ZC3H7B: variants seen among roughly 807,000 people sequenced by gnomAD.
ZC3H7B encodes zinc finger CCCH domain-containing protein 7B.
Under a neutral mutation model 116.0 loss-of-function variants are expected in ZC3H7B, and 35 were observed. That is an observed-to-expected ratio of 0.30 (90% CI 0.23 to 0.40). The LOEUF is 0.40. Ranked by LOEUF, ZC3H7B falls within the 10% of genes least tolerant of loss-of-function variation. The probability of loss-of-function intolerance (pLI) is 1.00; values close to 1 mark genes in which losing one functional copy is unlikely to be tolerated. For synonymous variants in ZC3H7B, 502 were observed against 545.6 expected, an observed-to-expected ratio of 0.92 and a Z score of 1.11; for missense variants, 1,011 against 1,321.5, an observed-to-expected ratio of 0.77 and a Z score of 3.64.
intron 1 of ZC3H7B, among the ~76,000 whole-genome samples, chr22:41,320,080 C>T (rs1214270238): frequency 6.8e-6 from 1 of 148,006 alleles, no homozygotes; most frequent in Non-Finnish European, 1.5e-5. Context: ...TGCCTGTCAT[C>T]CCCGCACCTT....
chr22:41,338,491 T>C lies in ZC3H7B; in HGVS notation c.625+136T>C. On this transcript the variant is annotated intron_variant, in intron 8 of 22. Coordinates refer to ENST00000352645, the MANE Select transcript of ZC3H7B (RefSeq NM_017590.6). The surrounding 1 kb of genome is among the most constrained non-coding windows in gnomAD (Gnocchi z 4.5). ...CCCCACCCTGGTACTCCCTGAGGCA[T>C]GGGAGAAAACAGTGGGTTGAGAGCT... The C allele has an allele frequency of 1.1e-6, 1 of 907,688 alleles. No homozygotes were observed. Among genetic ancestry groups the C allele is most frequent in the Middle Eastern group, 2.2e-4 (1 of 4,534 alleles). 56.2% of individuals were successfully genotyped at this position (907,688 alleles called of 1,614,324 possible).
chr22:41,331,774 G>A (rs2036387356), intron 6 of ZC3H7B, among the ~76,000 whole-genome samples: 1 of 152,112 alleles, frequency 6.6e-6, no homozygotes, highest in South Asian at 2.1e-4. Flanking sequence ...GGGAGGCTGA[G>A]GTGGGAGGAT....
rs1601798376 is a variant in ZC3H7B, at chr22:41,355,401, G to A, written c.2035-68G>A. 23 of 1,589,640 alleles carry A rather than the reference G, an allele frequency of 1.4e-5. No individual in the cohort carries two copies. The East Asian group carries it at 5.2e-4, about 36-fold the overall frequency. On this transcript the variant is annotated intron_variant, in intron 17 of 22. Coordinates refer to ENST00000352645, the MANE Select transcript of ZC3H7B (RefSeq NM_017590.6). ...CAAGGCTCTCCCAGAGGACACCTGT[G>A]TGGAGACTCCAGGGCCTCAGGCCTG...
At chr22:41,340,983 G>T (rs2036515880) in intron 10 of ZC3H7B, 105 bp from the exon 11 acceptor site, 2 of 1,105,666 alleles carry the variant, frequency 1.8e-6, no homozygotes, top group Non-Finnish European at 1.3e-6. Flanking sequence ...AGGATGTGTG[G>T]CCTGGGGGCT....
chr22:41,330,697 G>A (rs1270873693), intron 6 of ZC3H7B, among the ~76,000 whole-genome samples: 1 of 151,758 alleles, frequency 6.6e-6, no homozygotes, highest in Non-Finnish European at 1.5e-5. Flanking sequence ...ATCCCAGCAC[G>A]TTGGGAGGCC....
rs142144653 is a variant in ZC3H7B, at chr22:41,322,753, A to G, written c.53+2040A>G. Among the ~76,000 whole-genome samples, 261 of 152,108 alleles carry G rather than the reference A, an allele frequency of 1.7e-3. 6 individuals carry two copies. The East Asian group carries it at 0.045, about 27-fold the overall frequency. On this transcript the variant is annotated intron_variant, in intron 2 of 22. Transcript: ENST00000352645. Reference sequence around the variant, plus strand: ...GGAATTCGCCTCTATGTTCCCTTATATACTCCCCACTTTTGTTCTCTCACA... The same window carrying G: ...GGAATTCGCCTCTATGTTCCCTTATGTACTCCCCACTTTTGTTCTCTCACA...
intron 17 of ZC3H7B, among the ~76,000 whole-genome samples, chr22:41,354,642 G>T (rs533770609): frequency 6.6e-6 from 1 of 152,178 alleles, no homozygotes; most frequent in African/African-American, 2.4e-5. Context: ...GACAGCTGGT[G>T]CATTCACAGA....
intron 1 of ZC3H7B, among the ~76,000 whole-genome samples, chr22:41,304,496 G>T (rs1030109906): frequency 3.1e-4 from 47 of 152,166 alleles, no homozygotes; most frequent in Non-Finnish European, 1.8e-4. Context: ...GTTTGCAATT[G>T]ACTTTGTCAT....
chr22:41,348,857 G>A (rs1381629717), intron 15 of ZC3H7B, among the ~76,000 whole-genome samples: 1 of 152,214 alleles, frequency 6.6e-6, no homozygotes, highest in Admixed American at 6.5e-5. Flanking sequence ...GAAACCTGAG[G>A]GCGGTGCCCT....
In ZC3H7B at chr22:41,351,689, T is replaced by C. The variant is rs2036656063; in HGVS notation, c.2034+43T>C. On this transcript the variant is annotated intron_variant, in intron 17 of 22. Transcript: ENST00000352645. This position sits in a 1 kb window ranked among gnomAD's most constrained non-coding sequence, Gnocchi z 5.1. ...TATGCCATTATTCAGATTTTGTGAATTGTCCCCAAATTACAAACAGGAAGG... is the reference window on the plus strand; with the variant it reads ...TATGCCATTATTCAGATTTTGTGAACTGTCCCCAAATTACAAACAGGAAGG... The C allele has an allele frequency of 1.3e-6, 2 of 1,585,256 alleles. No individual in the cohort carries two copies. Among genetic ancestry groups the C allele is most frequent in the Admixed American group, 1.8e-5 (1 of 56,344 alleles).
At position 41,351,849 on chromosome 22, in the gene ZC3H7B, G is replaced by A. The variant is rs1185038836; in HGVS notation, c.2034+203G>A. The stretch of plus-strand genomic sequence containing the variant: ...TTATTTTATTTTATTTTGAGACAGG[G>A]TCTTGCTCTGTCACCCAGCCTGGAG... On this transcript the variant is annotated intron_variant, in intron 17 of 22. Coordinates refer to ENST00000352645, the MANE Select transcript of ZC3H7B (RefSeq NM_017590.6). The surrounding 1 kb of genome is among the most constrained non-coding windows in gnomAD (Gnocchi z 5.1). Among the ~76,000 whole-genome samples, 3 of 151,970 alleles carry A rather than the reference G, an allele frequency of 2.0e-5. No homozygotes were observed. The highest frequency in any genetic ancestry group is 4.4e-5 in the Non-Finnish European group (3 of 67,998).
chr22:41,329,258 CT>C (rs368796113), intron 5 of ZC3H7B, among the ~76,000 whole-genome samples: 36,087 of 114,554 alleles, frequency 0.32, 5,533 homozygotes, highest in African/African-American at 0.47. Flanking sequence ...CAAAACTAAG[CT>C]TTTTTTTTTT....
Position 41,346,262 on chromosome 22 carries a change from G to A in ZC3H7B, c.1665+54G>A. On this transcript the variant is annotated intron_variant, in intron 14 of 22. Transcript: ENST00000352645. The surrounding 1 kb of genome is among the most constrained non-coding windows in gnomAD (Gnocchi z 5.3). ...ATAGGCCATGGCACAGACAGGGCTG[G>A]GGATGCTCCCTGGCACGGACCACCA... 6.3e-7 allele frequency: 1 copy of A among 1,584,494 alleles called. No individual in the cohort carries two copies. The highest frequency in any genetic ancestry group is 1.1e-5 in the South Asian group (1 of 89,800).
At chr22:41,356,571 G>A (rs538263058) in intron 21 of ZC3H7B, 74 bp from the exon 22 acceptor site, 24 of 1,609,632 alleles carry the variant, frequency 1.5e-5, no homozygotes, top group African/African-American at 6.7e-5. Flanking sequence ...GCCGGCCAGC[G>A]CTCAGCCTCT....
rs368501163 is a variant in ZC3H7B at position 41,309,770 on chromosome 22, G to GTGTTCCCCTAA, written c.-7+8008_-7+8009insATGTTCCCCTA. On this transcript the variant is annotated intron_variant, in intron 1 of 22. Coordinates refer to ENST00000352645, the MANE Select transcript of ZC3H7B (RefSeq NM_017590.6). ...CACCAGGGAAAGGACTTTATTAACT[G>GTGTTCCCCTAA]TGTTCCCCTAGCACCTGGTAGGGCC... Among the ~76,000 whole-genome samples, 57 of 152,160 alleles carry GTGTTCCCCTAA rather than the reference G, an allele frequency of 3.7e-4. 1 individual carries two copies. In the East Asian group the frequency reaches 0.011, roughly 28 times the overall value.
At chr22:41,331,639 G>C (rs1349693854) in intron 6 of ZC3H7B, among the ~76,000 whole-genome samples, 1 of 151,862 alleles carries the variant, frequency 6.6e-6, no homozygotes, top group Non-Finnish European at 1.5e-5. Flanking sequence ...GGGAGGCCGA[G>C]GTGGGCAGGT....
At position 41,346,966 on chromosome 22, in the gene ZC3H7B, CAAAA is replaced by C. The variant is rs35397354; in HGVS notation, c.1665+774_1665+777del. ...TGGGTGACAGAGTGAGACCCTATTC[CAAAA>C]AAAAAAAAAAAAAAATGTCATTTCC... On this transcript the variant is annotated intron_variant, in intron 14 of 22. Transcript: ENST00000352645. This position sits in a 1 kb window ranked among gnomAD's most constrained non-coding sequence, Gnocchi z 5.3. 3.4e-5 allele frequency among the ~76,000 whole-genome samples: 4 copies of C among 116,754 alleles called. No homozygotes were observed. The highest frequency in any genetic ancestry group is 8.1e-5 in the Admixed American group (1 of 12,376). 76.6% of individuals were successfully genotyped at this position (116,754 alleles called of 152,430 possible). A position where few individuals can be genotyped will look rare whatever the true frequency, so the allele number is the denominator to read the frequency against.
At chr22:41,355,337 C>T in intron 17 of ZC3H7B, 132 bp from the exon 18 acceptor site, 1 of 1,326,640 alleles carries the variant, frequency 7.5e-7, no homozygotes, top group Non-Finnish European at 1.0e-6. Flanking sequence ...TGGGAGGTCA[C>T]TGCCTGCCAG....
chr22:41,316,667 C>T (rs1288473134), intron 1 of ZC3H7B, among the ~76,000 whole-genome samples: 1 of 139,900 alleles, frequency 7.1e-6, no homozygotes, highest in Non-Finnish European at 1.5e-5. Flanking sequence ...GGCACGATCA[C>T]GGTTCACTGC....
Sources: allele counts gnomAD v4.1 joint callset (sites outside exome capture counted in the v4.1 genomes callset), GRCh38; gene constraint gnomAD v4.1.1; non-coding constraint Gnocchi (gnomAD v3.1); transcripts MANE v1.5; gene names NCBI Gene and HGNC (gene_info 2026-07-23, HGNC 2026-07-21).